SLC45A4: variants seen among roughly 807,000 people sequenced by gnomAD.
SLC45A4 encodes solute carrier family 45 member 4.
SLC45A4 carries 32 observed loss-of-function variants against 63.7 expected under a neutral mutation model. That is an observed-to-expected ratio of 0.50 (90% confidence interval 0.38 to 0.67). The LOEUF (loss-of-function observed/expected upper bound fraction) is 0.67, where lower values mean the gene tolerates loss of function less well. Ranked by LOEUF, SLC45A4 falls within the 30% of genes least tolerant of loss-of-function variation. The pLI is 0.00. For synonymous variants in SLC45A4, 535 were observed against 510.0 expected, an observed-to-expected ratio of 1.05 and a Z score of -0.66; for missense variants, 1,027 against 1,157.7, an observed-to-expected ratio of 0.89 and a Z score of 1.64.
At chr8:141,258,875 A>G (rs1475935557) in intron 1 of SLC45A4, among the ~76,000 whole-genome samples, 1 of 148,094 alleles carries the variant, frequency 6.8e-6, no homozygotes, top group Admixed American at 6.9e-5. Context: ...TGCGAGACAC[A>G]GTGAGACCTC....
At chr8:141,270,933 A>G (rs558482063) in intron 1 of SLC45A4, among the ~76,000 whole-genome samples, 14 of 152,278 alleles carry the variant, frequency 9.2e-5, no homozygotes, top group Non-Finnish European at 1.9e-4. Context: ...CCCCAGGGGC[A>G]GGCAGAGGGC....
chr8:141,259,220 G>A (rs1179664022), intron 1 of SLC45A4, among the ~76,000 whole-genome samples: 1 of 152,242 alleles, frequency 6.6e-6, no homozygotes, highest in African/African-American at 2.4e-5. Context: ...GTATCCGCAT[G>A]GCCACGGTCA....
At chr8:141,294,351 G>C (rs914459137) in intron 1 of SLC45A4, among the ~76,000 whole-genome samples, 3 of 152,238 alleles carry the variant, frequency 2.0e-5, no homozygotes, top group Admixed American at 2.0e-4. Context: ...CAGAGGGAAC[G>C]TGCACCGGGG....
chr8:141,218,803 G>A lies in SLC45A4; in HGVS notation c.837C>T (p.Gly279=), dbSNP rs780826979. 4.1e-5 allele frequency: 66 copies of A among 1,613,006 alleles called. No homozygotes were observed. In the Admixed American group the frequency reaches 4.8e-4, roughly 12 times the overall value. ...PGALDGGEPH[G]VPAFPDEVQS... The stretch of plus-strand genomic sequence containing the variant: ...GTACCTCGTCTGGGAAGGCAGGGAC[G>A]CCGTGCGGCTCGCCCCCATCCAGGG... Residue 279 remains glycine (G), a synonymous_variant, in exon 5 of 9, where the codon GGC becomes GGT. Coordinates refer to ENST00000517878, the MANE Select transcript of SLC45A4 (RefSeq NM_001286646.2).
At chr8:141,299,331 C>G (rs893934016) in intron 1 of SLC45A4, among the ~76,000 whole-genome samples, 1 of 152,248 alleles carries the variant, frequency 6.6e-6, no homozygotes. Flanking sequence ...AAAACACTCT[C>G]GACACCTCAA....
chr8:141,290,639 A>T (rs1025417075), intron 1 of SLC45A4, among the ~76,000 whole-genome samples: 1 of 152,152 alleles, frequency 6.6e-6, no homozygotes, highest in African/African-American at 2.4e-5. Context: ...ATTTATCTCC[A>T]CTGGGGATGA....
At chr8:141,304,278 C>A (rs1830832000) in intron 1 of SLC45A4, among the ~76,000 whole-genome samples, 1 of 151,666 alleles carries the variant, frequency 6.6e-6, no homozygotes, top group Non-Finnish European at 1.5e-5. Context: ...TACACACACA[C>A]ACACACGCAA....
intron 1 of SLC45A4, among the ~76,000 whole-genome samples, chr8:141,279,507 G>T (rs1330121056): frequency 1.3e-5 from 2 of 152,350 alleles, no homozygotes; most frequent in South Asian, 4.1e-4. Context: ...TGATGAGGGA[G>T]GCCAGCTTTC....
At chr8:141,246,772 A>G (rs1345443741) in intron 2 of SLC45A4, among the ~76,000 whole-genome samples, 3 of 150,620 alleles carry the variant, frequency 2.0e-5, no homozygotes, top group Non-Finnish European at 4.4e-5. Flanking sequence ...TGATTTTATT[A>G]GGAAAGAAAA....
rs571349880 is a variant in SLC45A4 at position 141,256,663 on chromosome 8, A to G, written c.-400-2034T>C. On this transcript the variant is annotated intron_variant, in intron 1 of 8. Coordinates refer to ENST00000517878, the MANE Select transcript of SLC45A4 (RefSeq NM_001286646.2). This position sits in a 1 kb window ranked among gnomAD's most constrained non-coding sequence, Gnocchi z 4.3. The stretch of plus-strand genomic sequence containing the variant: ...CAGAATGCCTACTAATTCCTTAAGA[A>G]CCAAAGGTTCAAGTGGTGCTACCTA... The G allele has an allele frequency of 4.4e-6, 2 of 456,040 alleles. No homozygotes were observed. The highest frequency in any genetic ancestry group is 4.4e-6 in the Non-Finnish European group (1 of 226,782). 28.2% of individuals were successfully genotyped at this position (456,040 alleles called of 1,614,324 possible). A position where few individuals can be genotyped will look rare whatever the true frequency, so the allele number is the denominator to read the frequency against.
chr8:141,222,955 T>C (rs1364374366), intron 2 of SLC45A4, among the ~76,000 whole-genome samples: 2 of 152,216 alleles, frequency 1.3e-5, no homozygotes, highest in South Asian at 2.1e-4. Flanking sequence ...CCTCTCCCCA[T>C]ACTATACGTC....
intron 2 of SLC45A4, among the ~76,000 whole-genome samples, chr8:141,240,100 T>A (rs1159724335): frequency 6.6e-6 from 1 of 152,248 alleles, no homozygotes; most frequent in East Asian, 1.9e-4. Flanking sequence ...TTTAAACAAA[T>A]GGACAGATAT....
chr8:141,257,826 A>G (rs1828862602), intron 1 of SLC45A4, among the ~76,000 whole-genome samples: 1 of 152,166 alleles, frequency 6.6e-6, no homozygotes, highest in Non-Finnish European at 1.5e-5. Context: ...CCAGCAGAGA[A>G]GGCCCTGGCC....
chr8:141,259,237 G>C (rs1828946223), intron 1 of SLC45A4, among the ~76,000 whole-genome samples: 1 of 152,244 alleles, frequency 6.6e-6, no homozygotes, highest in African/African-American at 2.4e-5. Flanking sequence ...GTCAGGGCAA[G>C]CCGCCAGACA....
In SLC45A4 at chr8:141,254,085, T is replaced by G; in HGVS notation, c.145A>C (p.Met49Leu). ...GCCCCGTGCATCACCCACAGGCGCATGGGGATTCGGTCTATGGACCCCTCG... is the reference window on the plus strand; with the variant it reads ...GCCCCGTGCATCACCCACAGGCGCAGGGGGATTCGGTCTATGGACCCCTCG... ...ISEGSIDRIP[M>L]RLWVMHGAVM... The change falls in exon 2 of 9, where the codon ATG (methionine) becomes CTG (leucine). Residue 49 changes from methionine to leucine, a missense_variant. Physicochemically the swap from Met to Leu is conservative, Grantham distance 15. Coordinates refer to ENST00000517878, the MANE Select transcript of SLC45A4 (RefSeq NM_001286646.2). This position sits in a 1 kb window ranked among gnomAD's most constrained non-coding sequence, Gnocchi z 4.5. 2.6e-6 allele frequency: 4 copies of G among 1,536,158 alleles called. No homozygotes were observed. Among genetic ancestry groups the G allele is most frequent in the Non-Finnish European group, 3.5e-6 (4 of 1,146,902 alleles).
At chr8:141,260,766 A>G (rs1185201938) in intron 1 of SLC45A4, among the ~76,000 whole-genome samples, 3 of 152,228 alleles carry the variant, frequency 2.0e-5, no homozygotes, top group African/African-American at 7.2e-5. Context: ...CCAGGACCAG[A>G]TGGATTCACA....
intron 1 of SLC45A4, among the ~76,000 whole-genome samples, chr8:141,307,214 A>G (rs955839409): frequency 6.6e-6 from 1 of 152,208 alleles, no homozygotes. Flanking sequence ...CCAGAGCAGG[A>G]TACCTGGGGG....
At position 141,285,925 on chromosome 8, in the gene SLC45A4, G is replaced by A. The variant is rs75965831; in HGVS notation, c.-401+22171C>T. Among the ~76,000 whole-genome samples the A allele has an allele frequency of 5.9e-4, 90 of 152,322 alleles. 1 individual carries two copies. The East Asian group carries it at 0.014, about 24-fold the overall frequency. On this transcript the variant is annotated intron_variant, in intron 1 of 8. Transcript: ENST00000517878. ...GTGCTTCTCACAACAGAACAGGGCC[G>A]GGCACCTCCTTGACACTGTTCCTCA...
Position 141,254,593 on chromosome 8 carries a change from T to G in SLC45A4, c.-364A>C, listed in dbSNP as rs1365075449. The G allele has an allele frequency of 1.4e-6, 1 of 701,944 alleles. No individual in the cohort carries two copies. The highest frequency in any genetic ancestry group is 2.6e-6 in the Non-Finnish European group (1 of 384,704). The allele number at this position is 701,944 out of a possible 1,614,324, so 43.5% of individuals were successfully genotyped here. A position where few individuals can be genotyped will look rare whatever the true frequency, so the allele number is the denominator to read the frequency against. On this transcript the variant is annotated 5_prime_UTR_variant, in exon 2 of 9. Transcript: ENST00000517878. The surrounding 1 kb of genome is among the most constrained non-coding windows in gnomAD (Gnocchi z 4.5). ...GAGGTGGGAAGGTGATACAAACAGGTGGTCCGCTGGTAATCCCCATCGAGT... is the reference window on the plus strand; with the variant it reads ...GAGGTGGGAAGGTGATACAAACAGGGGGTCCGCTGGTAATCCCCATCGAGT...
Sources: allele counts gnomAD v4.1 joint callset (sites outside exome capture counted in the v4.1 genomes callset), GRCh38; gene constraint gnomAD v4.1.1; non-coding constraint Gnocchi (gnomAD v3.1); transcripts MANE v1.5; gene names NCBI Gene and HGNC (gene_info 2026-07-23, HGNC 2026-07-21).